Variants in CLSTN3 observed in about 807,000 individuals in gnomAD.
The protein encoded by CLSTN3 is calsyntenin-3.
In CLSTN3, 36 loss-of-function variants were observed where a neutral mutation model predicts 95.9. The observed-to-expected ratio is 0.38, with a 90% CI of 0.29 to 0.50. The LOEUF is 0.50. Among genes scored for constraint, CLSTN3 ranks in the 20% least tolerant of loss-of-function variants. The pLI, the probability that CLSTN3 is intolerant of heterozygous loss-of-function variation, is 0.95. For synonymous variants in CLSTN3, 481 were observed against 504.0 expected (o/e 0.95, Z 0.61); for missense variants, 1,084 against 1,268.8 (o/e 0.85, Z 2.21).
At chr12:7,131,799 T>C (rs747085297) in intron 1 of CLSTN3, 9 of 456,486 alleles carry the variant, frequency 2.0e-5, no homozygotes, top group African/African-American at 1.0e-4. Context: ...ATCTTGTGGC[T>C]TTCTCCTCAG....
Position 7,149,182 on chromosome 12 carries a change from G to C in CLSTN3, c.2058G>C (p.Glu686Asp), listed in dbSNP as rs1939678672. ...ISHQVEAKKD[E>D]SWQGTVTDTR... ...ACCAGGTGGAGGCCAAAAAGGATGA[G>C]AGTTGGCAGGGCACAGGTAAGGACG... is the stretch of plus-strand genomic sequence containing the variant. Residue 686 changes from glutamate to aspartate, a missense_variant, in exon 13 of 18, where the codon GAG becomes GAC. Coordinates refer to ENST00000266546, the MANE Select transcript of CLSTN3 (RefSeq NM_014718.4). This position sits in a 1 kb window ranked among gnomAD's most constrained non-coding sequence, Gnocchi z 4.5. 1 of 1,614,100 alleles carries C rather than the reference G, an allele frequency of 6.2e-7. No individual in the cohort carries two copies. Among genetic ancestry groups the C allele is most frequent in the African/African-American group, 1.3e-5 (1 of 75,026 alleles).
chr12:7,145,031 C>T (rs375857650), intron 12 of CLSTN3, among the ~76,000 whole-genome samples: 1 of 152,148 alleles, frequency 6.6e-6, no homozygotes, highest in Non-Finnish European at 1.5e-5. Context: ...TGCCTCGTCC[C>T]CTCCAGTGCT....
chr12:7,134,123 C>A (rs949604301), intron 3 of CLSTN3, among the ~76,000 whole-genome samples: 4 of 152,142 alleles, frequency 2.6e-5, no homozygotes, highest in Non-Finnish European at 5.9e-5. Context: ...AAAGCATGCA[C>A]CACAGTGCCT....
rs867155895 is a variant in CLSTN3 at position 7,131,147 on chromosome 12, G to A, written c.64+435G>A. On this transcript the variant is annotated intron_variant, in intron 1 of 17. Transcript: ENST00000266546. ...CTGCTTCGCCTCCATCCCATCCTGGGGAGAAAGTATTTGCTGCAGTTCAGC... is the reference window on the plus strand; with the variant it reads ...CTGCTTCGCCTCCATCCCATCCTGGAGAGAAAGTATTTGCTGCAGTTCAGC... The A allele has an allele frequency of 2.1e-5, 6 of 282,372 alleles. 1 individual carries two copies. The South Asian group carries it at 2.3e-4, about 11-fold the overall frequency. The allele number at this position is 282,372 out of a possible 1,614,324, so 17.5% of individuals were successfully genotyped here. A position where few individuals can be genotyped will look rare whatever the true frequency, so the allele number is the denominator to read the frequency against.
chr12:7,149,508 C>A lies in CLSTN3; in HGVS notation c.2075-15C>A. 6.2e-7 allele frequency: 1 copy of A among 1,602,442 alleles called. No homozygotes were observed. The highest frequency in any genetic ancestry group is 1.7e-5 in the Admixed American group (1 of 59,542). On this transcript the variant is annotated splice_polypyrimidine_tract_variant and intron_variant, in intron 13 of 17. Transcript: ENST00000266546. This position sits in a 1 kb window ranked among gnomAD's most constrained non-coding sequence, Gnocchi z 4.5. Reference sequence around the variant, plus strand: ...CCCTTTGGCTCTGACCCAGACCCTACTATCCCCAACCCAGTGACAGACACA... The same window carrying A: ...CCCTTTGGCTCTGACCCAGACCCTAATATCCCCAACCCAGTGACAGACACA...
chr12:7,151,098 C>T (rs760427716), intron 16 of CLSTN3, 35 bp downstream of exon 16: 2 of 1,515,712 alleles, frequency 1.3e-6, no homozygotes, highest in Non-Finnish European at 1.8e-6. Context: ...CAGGGAGGGG[C>T]AGGTGGCAGG....
At position 7,141,298 on chromosome 12, in the gene CLSTN3, ACT is replaced by A; in HGVS notation, c.1383_1384del (p.Thr463ArgfsTer12). 3 of 1,613,978 alleles carry A rather than the reference ACT, an allele frequency of 1.9e-6. No homozygotes were observed. The highest frequency in any genetic ancestry group is 2.5e-6 in the Non-Finnish European group (3 of 1,179,980). ...ALNLEFPTVT[L>X]YTDGISFDPA... ...TGAACCTCGAGTTCCCCACAGTCAC[ACT>A]CTATACCGACGGCATCTCCTTCGAC... is the stretch of plus-strand genomic sequence containing the variant. On this transcript the variant is annotated frameshift_variant, in exon 9 of 18. Coordinates refer to ENST00000266546, the MANE Select transcript of CLSTN3 (RefSeq NM_014718.4). LOFTEE classifies it high-confidence loss of function. This position sits in a 1 kb window ranked among gnomAD's most constrained non-coding sequence, Gnocchi z 4.1.
In CLSTN3 at chr12:7,133,954, G is replaced by A. The variant is rs372736900; in HGVS notation, c.383+186G>A. 19 of 543,772 alleles carry A rather than the reference G, an allele frequency of 3.5e-5. No individual in the cohort carries two copies. The highest frequency in any genetic ancestry group is 5.8e-5 in the Non-Finnish European group (18 of 312,754). The allele number at this position is 543,772 out of a possible 1,614,324, so 33.7% of individuals were successfully genotyped here. On this transcript the variant is annotated intron_variant, in intron 3 of 17. Transcript: ENST00000266546. This position sits in a 1 kb window ranked among gnomAD's most constrained non-coding sequence, Gnocchi z 4.7. ...GACTTTCAGGCAAGGTGACAGAAAC[G>A]TATAGTAGAGTTCAGTGGATCTAAT...
chr12:7,158,088 C>A lies in CLSTN3; in HGVS notation c.*7C>A. 1 of 1,499,050 alleles carries A rather than the reference C, an allele frequency of 6.7e-7. No homozygotes were observed. Among genetic ancestry groups the A allele is most frequent in the South Asian group, 1.3e-5 (1 of 76,300 alleles). 92.9% of individuals were successfully genotyped at this position (1,499,050 alleles called of 1,614,324 possible). ...CCCCCCACACCGCTACTAAGGCCTA[C>A]ACCTCTCCCCACGCAGAGGGGGAAT... On this transcript the variant is annotated 3_prime_UTR_variant, in exon 18 of 18. Coordinates refer to ENST00000266546, the MANE Select transcript of CLSTN3 (RefSeq NM_014718.4).
intron 12 of CLSTN3, among the ~76,000 whole-genome samples, chr12:7,145,225 G>T (rs1390349501): frequency 6.6e-6 from 1 of 152,134 alleles, no homozygotes; most frequent in African/African-American, 2.4e-5. Context: ...TTGAGGAAAG[G>T]GGCCTTGATG....
At chr12:7,138,170 C>T in intron 8 of CLSTN3, 103 bp downstream of exon 8, 1 of 763,874 alleles carries the variant, frequency 1.3e-6, no homozygotes, top group South Asian at 1.7e-5. Context: ...TTCCCCCTTG[C>T]CCTCTCTTTG....
Position 7,136,403 on chromosome 12 carries a change from C to T in CLSTN3, c.928+12C>T, listed in dbSNP as rs781577112. On this transcript the variant is annotated intron_variant, in intron 6 of 17. Transcript: ENST00000266546. ...GCGGAAACTCTGTGGTAGGTGTGCC[C>T]CCAACACTGCCTCAGGCCTATCCCT... 6.3e-7 allele frequency: 1 copy of T among 1,593,382 alleles called. No homozygotes were observed. Among genetic ancestry groups the T allele is most frequent in the South Asian group, 1.1e-5 (1 of 88,604 alleles).
intron 16 of CLSTN3, among the ~76,000 whole-genome samples, chr12:7,154,662 AG>A (rs771406938): frequency 3.5e-4 from 53 of 152,276 alleles, no homozygotes; most frequent in Non-Finnish European, 6.2e-4. Flanking sequence ...TAGAATGTCT[AG>A]GGGGTGGGAG....
chr12:7,130,426 G>T lies in CLSTN3; in HGVS notation c.-223G>T. ...GAGAGAGTGAGGACGCTGGGCTGGG[G>T]GAAACGGGAAGCCGCTGCAAGTCCA... On this transcript the variant is annotated 5_prime_UTR_variant, in exon 1 of 18. Transcript: ENST00000266546. 1.4e-6 allele frequency: 2 copies of T among 1,454,346 alleles called. No individual in the cohort carries two copies. Among genetic ancestry groups the T allele is most frequent in the South Asian group, 2.8e-5 (2 of 70,880 alleles). The allele number at this position is 1,454,346 out of a possible 1,614,324, so 90.1% of individuals were successfully genotyped here.
rs779124141 is a variant in CLSTN3 at position 7,134,000 on chromosome 12, C to A, written c.383+232C>A. The A allele has an allele frequency of 6.9e-6, 3 of 436,290 alleles. No homozygotes were observed. Among genetic ancestry groups the A allele is most frequent in the Non-Finnish European group, 1.2e-5 (3 of 247,976 alleles). 27.0% of individuals were successfully genotyped at this position (436,290 alleles called of 1,614,324 possible). A position where few individuals can be genotyped will look rare whatever the true frequency, so the allele number is the denominator to read the frequency against. ...CTAATCTTGGCTTTGCCTCTCATGA[C>A]CTTGGGCAGCCTAGCCTTTCTGGAC... On this transcript the variant is annotated intron_variant, in intron 3 of 17. Coordinates refer to ENST00000266546, the MANE Select transcript of CLSTN3 (RefSeq NM_014718.4). The surrounding 1 kb of genome is among the most constrained non-coding windows in gnomAD (Gnocchi z 4.7).
At chr12:7,134,549 G>C (rs369894395) in intron 3 of CLSTN3, among the ~76,000 whole-genome samples, 16 of 152,246 alleles carry the variant, frequency 1.1e-4, no homozygotes, top group African/African-American at 3.6e-4. Flanking sequence ...GAAGGGCCTC[G>C]ACCCAGCTCT....
Position 7,157,935 on chromosome 12 carries a change from C to T in CLSTN3, c.2731-6C>T, listed in dbSNP as rs1272541046. 1.3e-6 allele frequency: 2 copies of T among 1,550,678 alleles called. No individual in the cohort carries two copies. The highest frequency in any genetic ancestry group is 2.7e-5 in the African/African-American group (2 of 73,100). On this transcript the variant is annotated splice_region_variant and splice_polypyrimidine_tract_variant and intron_variant, in intron 17 of 17. Transcript: ENST00000266546. The surrounding 1 kb of genome is among the most constrained non-coding windows in gnomAD (Gnocchi z 5.9). ...ATCCCTTCTCCTCTCTGTTCCTGCC[C>T]TCCAGTCCTACCAGAATCGGCAGTC... is the stretch of plus-strand genomic sequence containing the variant.
In CLSTN3 at chr12:7,135,802, AG is replaced by A. The variant is rs779129442; in HGVS notation, c.594del. ...TGCTCTGTCCTCCTGACCCCACCCC[AG>A]GGAACATTGAGAACACAGAGAAGCT... is the stretch of plus-strand genomic sequence containing the variant. On this transcript the variant is annotated splice_acceptor_variant, in intron 4 of 17. Transcript: ENST00000266546. LOFTEE classifies it high-confidence loss of function. 4.4e-6 allele frequency: 7 copies of A among 1,602,036 alleles called. No homozygotes were observed. Among genetic ancestry groups the A allele is most frequent in the Non-Finnish European group, 6.0e-6 (7 of 1,173,588 alleles).
intron 16 of CLSTN3, among the ~76,000 whole-genome samples, chr12:7,152,871 G>A (rs958377348): frequency 1.3e-5 from 2 of 152,196 alleles, no homozygotes; most frequent in Non-Finnish European, 2.9e-5. Flanking sequence ...CAGGAGGCAT[G>A]ATTCCAGTCT....
Sources: allele counts gnomAD v4.1 joint callset (sites outside exome capture counted in the v4.1 genomes callset), GRCh38; gene constraint gnomAD v4.1.1; non-coding constraint Gnocchi (gnomAD v3.1); transcripts MANE v1.5; gene names NCBI Gene and HGNC (gene_info 2026-07-23, HGNC 2026-07-21).